KLHL15: variants seen among roughly 807,000 people sequenced by gnomAD.
KLHL15 encodes the protein kelch-like protein 15.
In KLHL15, 1 loss-of-function variant was observed where a neutral mutation model predicts 29.3. The ratio of observed to expected loss-of-function variants is 0.03; its 90% CI spans 0.01 to 0.16. KLHL15 has a LOEUF of 0.16. Among genes scored for constraint, KLHL15 ranks in the 10% least tolerant of loss-of-function variants. The probability of loss-of-function intolerance (pLI) is 1.00; values close to 1 mark genes in which losing one functional copy is unlikely to be tolerated. For missense variants in KLHL15, 215 were observed against 478.5 expected (o/e 0.45, Z 5.14); for synonymous variants, 212 against 184.5 (o/e 1.15, Z -1.21).
At chrX:24,024,658 C>T (rs1422621977) in intron 2 of KLHL15, among the ~76,000 whole-genome samples, 199 bp downstream of exon 2, 1 of 113,326 alleles carries the variant, frequency 8.8e-6, no homozygotes, top group African/African-American at 3.2e-5. Context: ...TATGCTTCTT[C>T]CTTTTTCTTT....
chrX:24,024,027 A>G (rs1929867153), intron 2 of KLHL15, among the ~76,000 whole-genome samples: 1 of 112,430 alleles, frequency 8.9e-6, no homozygotes, highest in Non-Finnish European at 1.9e-5. Flanking sequence ...ACAAATTCGG[A>G]AAACAGAAAA....
At chrX:24,013,077 GT>G (rs1228422675) in intron 2 of KLHL15, among the ~76,000 whole-genome samples, 1 of 111,233 alleles carries the variant, frequency 9.0e-6, no homozygotes, top group Non-Finnish European at 1.9e-5. Flanking sequence ...TAAGCTACAA[GT>G]TTGGTCTTGT....
chrX:23,990,768 T>TC (rs922091271), intron 3 of KLHL15, among the ~76,000 whole-genome samples: 29 of 109,090 alleles, frequency 2.7e-4, no homozygotes, highest in South Asian at 8.0e-4. Flanking sequence ...ATGAGCTTCC[T>TC]CCCCCCCCTT....
intron 2 of KLHL15, among the ~76,000 whole-genome samples, chrX:24,009,494 G>A (rs759035402): frequency 2.9e-5 from 3 of 104,241 alleles, no homozygotes; most frequent in Admixed American, 1.0e-4. Flanking sequence ...GTGAAACTCC[G>A]TCTCAAAATA....
chrX:23,984,632 T>A lies in KLHL15; in HGVS notation c.*3289A>T, dbSNP rs1928954521. 1 of 112,474 alleles carries A rather than the reference T, an allele frequency of 8.9e-6. No individual in the cohort carries two copies. Among genetic ancestry groups the A allele is most frequent in the Admixed American group, 9.5e-5 (1 of 10,539 alleles). The allele number at this position is 112,474 out of a possible 1,213,427, so 9.3% of individuals were successfully genotyped here. ...TGAAATAACAATTTATATTATAAAC[T>A]GAAATGTTATGACCTACACCCACAT... is the stretch of plus-strand genomic sequence containing the variant. On this transcript the variant is annotated 3_prime_UTR_variant, in exon 4 of 4. Coordinates refer to ENST00000328046, the MANE Select transcript of KLHL15 (RefSeq NM_030624.3).
At position 23,983,772 on chromosome X, in the gene KLHL15, C is replaced by G. The variant is rs1928939565; in HGVS notation, c.*4149G>C. The G allele has an allele frequency of 8.9e-6, 1 of 111,862 alleles. No individual in the cohort carries two copies. The highest frequency in any genetic ancestry group is 3.2e-5 in the African/African-American group (1 of 30,845). The allele number at this position is 111,862 out of a possible 1,213,427, so 9.2% of individuals were successfully genotyped here. A position where few individuals can be genotyped will look rare whatever the true frequency, so the allele number is the denominator to read the frequency against. On this transcript the variant is annotated 3_prime_UTR_variant, in exon 4 of 4. Transcript: ENST00000328046. ...AACTTTTCTTCATAAACACTTTTAA[C>G]ATTTTTTTCAATTTAAAAACAGAAT...
chrX:24,017,874 A>C (rs1362566524), intron 2 of KLHL15, among the ~76,000 whole-genome samples: 1 of 110,518 alleles, frequency 9.0e-6, no homozygotes. Context: ...TTGGGAGGCA[A>C]GGCACGAGGA....
chrX:24,022,524 C>T (rs1929831672), intron 2 of KLHL15, among the ~76,000 whole-genome samples: 1 of 106,387 alleles, frequency 9.4e-6, no homozygotes, highest in Non-Finnish European at 1.9e-5. Context: ...ATCCCAGCTA[C>T]TTAGTAGGCT....
chrX:24,013,285 CAG>C (rs987360077), intron 2 of KLHL15, among the ~76,000 whole-genome samples: 5 of 110,466 alleles, frequency 4.5e-5, no homozygotes, highest in Non-Finnish European at 9.5e-5. Flanking sequence ...TTTTTTGAGA[CAG>C]AGTCTCACTC....
At chrX:24,003,477 TGA>T (rs1929374339) in intron 3 of KLHL15, among the ~76,000 whole-genome samples, 1 of 104,797 alleles carries the variant, frequency 9.5e-6, no homozygotes, top group Non-Finnish European at 1.9e-5. Flanking sequence ...GGCGTGAACC[TGA>T]GAGGCAGAGC....
intron 3 of KLHL15, among the ~76,000 whole-genome samples, chrX:24,001,899 C>G (rs1271608780): frequency 1.9e-5 from 2 of 106,779 alleles, no homozygotes; most frequent in African/African-American, 6.8e-5. Flanking sequence ...TTTGGGAGGC[C>G]AAGGCGGGTG....
intron 2 of KLHL15, among the ~76,000 whole-genome samples, chrX:24,023,756 T>C (rs927517363): frequency 6.2e-5 from 7 of 112,385 alleles, no homozygotes; most frequent in African/African-American, 1.3e-4. Context: ...AAGCACCTAC[T>C]ACGTGTTGTG....
chrX:24,018,355 T>C (rs1929732931), intron 2 of KLHL15, among the ~76,000 whole-genome samples: 1 of 111,172 alleles, frequency 9.0e-6, no homozygotes, highest in Non-Finnish European at 1.9e-5. Context: ...AAATGTTCAA[T>C]GTACAAAAAT....
At chrX:23,994,788 T>G (rs1049362973) in intron 3 of KLHL15, among the ~76,000 whole-genome samples, 2 of 111,996 alleles carry the variant, frequency 1.8e-5, no homozygotes, top group African/African-American at 6.5e-5. Context: ...ATTCTGAATA[T>G]ATCATATAAT....
At chrX:24,002,197 G>A (rs1466967468) in intron 3 of KLHL15, among the ~76,000 whole-genome samples, 1 of 111,777 alleles carries the variant, frequency 8.9e-6, no homozygotes, top group East Asian at 2.8e-4. Flanking sequence ...CCAAATATAC[G>A]TTTACTTCAT....
At chrX:23,993,365 A>G (rs1478085245) in intron 3 of KLHL15, among the ~76,000 whole-genome samples, 1 of 111,141 alleles carries the variant, frequency 9.0e-6, no homozygotes, top group Non-Finnish European at 1.9e-5. Context: ...AAAACAAAAA[A>G]GCGCCCCACA....
At chrX:23,992,818 T>C (rs1035137117) in intron 3 of KLHL15, among the ~76,000 whole-genome samples, 4 of 112,000 alleles carry the variant, frequency 3.6e-5, no homozygotes, top group African/African-American at 1.3e-4. Context: ...CAACAGATGG[T>C]AAAAATTGGG....
rs760646483 is a variant in KLHL15, at chrX:24,006,638, G to T, written c.56C>A (p.Ala19Asp). 8.3e-7 allele frequency: 1 copy of T among 1,210,602 alleles called. No individual in the cohort carries two copies. Among genetic ancestry groups the T allele is most frequent in the South Asian group, 1.8e-5 (1 of 56,841 alleles). ...CTCCTCATACAGTGCTCTGAACCCAGCAGAGACACTGGTGTCGTGGATGGA... is the reference window on the plus strand; with the variant it reads ...CTCCTCATACAGTGCTCTGAACCCATCAGAGACACTGGTGTCGTGGATGGA... ...CSSIHDTSVSAGFRALYEEGL... is the reference protein window; with the variant it reads ...CSSIHDTSVSDGFRALYEEGL... Residue 19 changes from alanine to aspartate, a missense_variant, in exon 3 of 4, where the codon GCT becomes GAT. Transcript: ENST00000328046.
At chrX:24,007,147 T>C (rs967488926) in intron 2 of KLHL15, among the ~76,000 whole-genome samples, 4 of 110,487 alleles carry the variant, frequency 3.6e-5, no homozygotes, top group Non-Finnish European at 7.6e-5. Context: ...TGAGCTATGA[T>C]AGCACCACTG....
Sources: gnomAD v4.1 joint callset for allele counts (sites outside exome capture counted in the v4.1 genomes callset) on GRCh38, gnomAD v4.1.1 for gene constraint, MANE v1.5 for transcripts, NCBI Gene and HGNC (gene_info 2026-07-23, HGNC 2026-07-21) for gene names.